Variants in TECPR2 observed in about 807,000 individuals in gnomAD.
TECPR2 encodes tectonin beta-propeller repeat-containing protein 2.
A neutral mutation model predicts 138.1 loss-of-function variants in TECPR2; 65 were observed. That is an observed-to-expected ratio of 0.47 (90% CI 0.39 to 0.58). The LOEUF (loss-of-function observed/expected upper bound fraction) is 0.58, where lower values mean the gene tolerates loss of function less well. Ranked by LOEUF, TECPR2 falls within the 20% of genes least tolerant of loss-of-function variation. TECPR2 has a pLI of 0.00. For missense variants in TECPR2, 1,553 were observed against 1,824.5 expected, an observed-to-expected ratio of 0.85 and a Z score of 2.71; for synonymous variants, 746 against 749.8, an observed-to-expected ratio of 0.99 and a Z score of 0.08.
chr14:102,407,234 C>T, intron 2 of TECPR2, 104 bp from the exon 3 acceptor site: 1 of 1,408,284 alleles, frequency 7.1e-7, no homozygotes, highest in Non-Finnish European at 9.5e-7. Flanking sequence ...TATGTATGGA[C>T]TGCAGCCTGA....
Position 102,419,554 on chromosome 14 carries a change from C to T in TECPR2, c.638+4761C>T, listed in dbSNP as rs1163989468. On this transcript the variant is annotated intron_variant, in intron 5 of 19. Coordinates refer to ENST00000359520, the MANE Select transcript of TECPR2 (RefSeq NM_014844.5). The surrounding 1 kb of genome is among the most constrained non-coding windows in gnomAD (Gnocchi z 4.8). ...CTCATGGGCAGCAGTGTAGGGTTGA[C>T]CAGAAACCGGGACAGAGACTCTCTT... 6.6e-6 allele frequency among the ~76,000 whole-genome samples: 1 copy of T among 151,914 alleles called. No homozygotes were observed. The highest frequency in any genetic ancestry group is 6.6e-5 in the Admixed American group (1 of 15,244).
Position 102,434,410 on chromosome 14 carries a change from T to TG in TECPR2, c.1595dup (p.Glu533Ter). On this transcript the variant is annotated frameshift_variant, in exon 9 of 20. Coordinates refer to ENST00000359520, the MANE Select transcript of TECPR2 (RefSeq NM_014844.5). LOFTEE classifies it high-confidence loss of function. ...CTCCAGACCAGGAAAGCAGCTTCAATGGTGAAGTGAACGGTGTCCCACAGG... is the reference window on the plus strand; with the variant it reads ...CTCCAGACCAGGAAAGCAGCTTCAATGGGTGAAGTGAACGGTGTCCCACAGG... The TG allele has an allele frequency of 6.5e-7, 1 of 1,528,932 alleles. No homozygotes were observed. Among genetic ancestry groups the TG allele is most frequent in the Non-Finnish European group, 8.8e-7 (1 of 1,139,358 alleles). 94.7% of individuals were successfully genotyped at this position (1,528,932 alleles called of 1,614,324 possible).
At chr14:102,376,971 G>T in intron 2 of TECPR2, 31 bp downstream of exon 2, 1 of 1,593,834 alleles carries the variant, frequency 6.3e-7, no homozygotes, top group Non-Finnish European at 8.5e-7. Context: ...CACCTGAGGG[G>T]GCACGAGCCA....
At position 102,438,096 on chromosome 14, in the gene TECPR2, C is replaced by A. The variant is rs1472580991; in HGVS notation, c.2469C>A (p.Ile823=). 5.6e-6 allele frequency: 9 copies of A among 1,614,042 alleles called. No individual in the cohort carries two copies. The highest frequency in any genetic ancestry group is 7.6e-6 in the Non-Finnish European group (9 of 1,180,032). ...ILSLVVSEKY[I]WCLDYKGGLF... is the part of the protein sequence containing the mutation. ...GCTTGGTGGTCTCCGAGAAGTATAT[C>A]TGGTGCCTGGACTACAAAGGCGGCC... Residue 823 remains isoleucine, a synonymous_variant, in exon 10 of 20, where the codon ATC becomes ATA. Coordinates refer to ENST00000359520, the MANE Select transcript of TECPR2 (RefSeq NM_014844.5).
chr14:102,453,226 A>G lies in TECPR2; in HGVS notation c.3640+599A>G, dbSNP rs145941311. On this transcript the variant is annotated intron_variant, in intron 16 of 19. Coordinates refer to ENST00000359520, the MANE Select transcript of TECPR2 (RefSeq NM_014844.5). ...CGCAGTGGCTCACACTTGTCATCCC[A>G]GCACTTTAGGAGGCTGAGGTGGGTG... Among the ~76,000 whole-genome samples the G allele has an allele frequency of 5.0e-4, 76 of 152,322 alleles. 1 individual carries two copies. The highest frequency in any genetic ancestry group is 7.8e-4 in the Non-Finnish European group (53 of 68,034).
At position 102,457,869 on chromosome 14, in the gene TECPR2, C is replaced by CTTTTTTTTTTT. The variant is rs748372168; in HGVS notation, c.3640+5253_3640+5263dup. Among the ~76,000 whole-genome samples the CTTTTTTTTTTT allele has an allele frequency of 2.3e-3, 233 of 102,736 alleles. 17 individuals carry two copies. The highest frequency in any genetic ancestry group is 7.4e-3 in the African/African-American group (182 of 24,478). The allele number at this position is 102,736 out of a possible 152,430, so 67.4% of individuals were successfully genotyped here. ...CGCTCCTCTGCTCCCACTAAATTCC[C>CTTTTTTTTTTT]TTTTTTTTTTTTTTTTTTTTTGAGA... On this transcript the variant is annotated intron_variant, in intron 16 of 19. Transcript: ENST00000359520.
In TECPR2 at chr14:102,442,179, A is replaced by G. The variant is rs944002016; in HGVS notation, c.2753-1468A>G. On this transcript the variant is annotated intron_variant, in intron 11 of 19. Coordinates refer to ENST00000359520, the MANE Select transcript of TECPR2 (RefSeq NM_014844.5). ...TTTTTAGTAGAGGCAGGGTTTCACT[A>G]TGTTGGCCAGTCTGGTCTTGAACTC... Among the ~76,000 whole-genome samples the G allele has an allele frequency of 6.6e-5, 10 of 152,076 alleles. No homozygotes were observed. In the South Asian group the frequency reaches 2.1e-3, roughly 31 times the overall value.
At chr14:102,494,468 G>A (rs1256768240) in intron 17 of TECPR2, among the ~76,000 whole-genome samples, 3 of 152,070 alleles carry the variant, frequency 2.0e-5, no homozygotes, top group East Asian at 3.9e-4. Context: ...CCTTGAAACC[G>A]GAAGGCAGAG....
At chr14:102,396,828 C>A (rs1022658246) in intron 2 of TECPR2, among the ~76,000 whole-genome samples, 1 of 152,176 alleles carries the variant, frequency 6.6e-6, no homozygotes, top group Non-Finnish European at 1.5e-5. Context: ...AGCATCTTGT[C>A]CTCTAAATAT....
intron 4 of TECPR2, among the ~76,000 whole-genome samples, chr14:102,410,669 C>T (rs540171866): frequency 8.5e-5 from 13 of 152,228 alleles, no homozygotes; most frequent in African/African-American, 1.9e-4. Context: ...AGTCTCATTC[C>T]GGACACTAGA....
rs146927533 is a variant in TECPR2, at chr14:102,369,398, G to T, written c.-73+6282G>T. Among the ~76,000 whole-genome samples the T allele has an allele frequency of 2.1e-3, 321 of 152,174 alleles. 2 individuals are homozygous for T. The highest frequency in any genetic ancestry group is 7.6e-3 in the African/African-American group (317 of 41,510). Reference sequence around the variant, plus strand: ...TATTTTTAAAAAAGTTTTATTGATCGATTGATTTGAGATGGGGTCTTGCTC... The same window carrying T: ...TATTTTTAAAAAAGTTTTATTGATCTATTGATTTGAGATGGGGTCTTGCTC... On this transcript the variant is annotated intron_variant, in intron 1 of 19. Transcript: ENST00000359520.
chr14:102,393,231 G>C (rs2139677066), intron 2 of TECPR2, among the ~76,000 whole-genome samples: 1 of 152,248 alleles, frequency 6.6e-6, no homozygotes, highest in Non-Finnish European at 1.5e-5. Flanking sequence ...AAATTCAGCT[G>C]TGCATTTGAA....
intron 17 of TECPR2, among the ~76,000 whole-genome samples, chr14:102,477,778 A>T (rs1443069281): frequency 2.2e-5 from 3 of 135,530 alleles, no homozygotes; most frequent in African/African-American, 8.2e-5. Flanking sequence ...GCCAGGACAT[A>T]CAAAAAATTA....
rs11417274 is a variant in TECPR2, at chr14:102,487,848, T to TA, written c.3790-9131_3790-9130insA. On this transcript the variant is annotated intron_variant, in intron 17 of 19. Coordinates refer to ENST00000359520, the MANE Select transcript of TECPR2 (RefSeq NM_014844.5). ...GAGCCACCACGCCCGGCCTGTTTGT[T>TA]TTTTTTTTTTGATACGGAGTTTCAC... Among the ~76,000 whole-genome samples, 690 of 129,322 alleles carry TA rather than the reference T, an allele frequency of 5.3e-3. 5 individuals carry two copies. The highest frequency in any genetic ancestry group is 0.018 in the African/African-American group (663 of 35,892). 84.8% of individuals were successfully genotyped at this position (129,322 alleles called of 152,430 possible).
Position 102,452,562 on chromosome 14 carries a change from T to C in TECPR2, c.3575T>C (p.Ile1192Thr), listed in dbSNP as rs1403610251. 2.5e-6 allele frequency: 4 copies of C among 1,610,346 alleles called. No homozygotes were observed. The Admixed American group carries it at 6.7e-5, about 27-fold the overall frequency. Residue 1192 changes from isoleucine (I) to threonine (T), a missense_variant, in exon 16 of 20, where the codon ATC becomes ACC. Coordinates refer to ENST00000359520, the MANE Select transcript of TECPR2 (RefSeq NM_014844.5). ...WALDSLGQVF[I>T]RTLSKSCPTG... ...CTGGACAGCCTCGGCCAGGTGTTCATCAGGACGCTCTCCAAGAGCTGCCCC... is the reference window on the plus strand; with the variant it reads ...CTGGACAGCCTCGGCCAGGTGTTCACCAGGACGCTCTCCAAGAGCTGCCCC...
intron 2 of TECPR2, among the ~76,000 whole-genome samples, chr14:102,396,424 C>T (rs1012617041): frequency 3.3e-5 from 5 of 152,116 alleles, no homozygotes; most frequent in African/African-American, 1.2e-4. Flanking sequence ...AAGAGCTCAG[C>T]ATATTCATAC....
chr14:102,390,569 T>G (rs974990544), intron 2 of TECPR2, among the ~76,000 whole-genome samples: 1 of 152,234 alleles, frequency 6.6e-6, no homozygotes, highest in South Asian at 2.1e-4. Flanking sequence ...TACACTGTGT[T>G]AGTTAGGAAA....
In TECPR2 at chr14:102,411,698, T is replaced by TAAAAAAAAAAAAAAAAAA. The variant is rs1219515960; in HGVS notation, c.481-2938_481-2937insAAAAAAAAAAAAAAAAAA. ...CAGGTGAAATAAACAGCCATGTTGC[T>TAAAAAAAAAAAAAAAAAA]CAAAAAAAAAAAAAAAAAAAAAAAA... On this transcript the variant is annotated intron_variant, in intron 4 of 19. Transcript: ENST00000359520. Among the ~76,000 whole-genome samples the TAAAAAAAAAAAAAAAAAA allele has an allele frequency of 4.6e-3, 45 of 9,686 alleles. 1 individual carries two copies. The highest frequency in any genetic ancestry group is 0.12 in the Middle Eastern group (1 of 8). The allele number at this position is 9,686 out of a possible 152,430, so 6.4% of individuals were successfully genotyped here.
At chr14:102,373,184 GT>G (rs1597761845) in intron 1 of TECPR2, among the ~76,000 whole-genome samples, 1 of 151,062 alleles carries the variant, frequency 6.6e-6, no homozygotes, top group Admixed American at 6.6e-5. Context: ...CCTACTTCAT[GT>G]TTGTTTTTTT....
Sources: gnomAD v4.1 joint callset for allele counts (sites outside exome capture counted in the v4.1 genomes callset) on GRCh38, gnomAD v4.1.1 for gene constraint, Gnocchi (gnomAD v3.1) non-coding constraint, MANE v1.5 for transcripts, NCBI Gene and HGNC (gene_info 2026-07-23, HGNC 2026-07-21) for gene names.